GPR20: variants seen among roughly 807,000 people sequenced by gnomAD.
GPR20 encodes G protein-coupled receptor 20.
For missense variants in GPR20, 494 were observed against 527.4 expected, an observed-to-expected ratio of 0.94 and a Z score of 0.62; for synonymous variants, 241 against 241.9, an observed-to-expected ratio of 1.00 and a Z score of 0.04.
intron 1 of GPR20, among the ~76,000 whole-genome samples, chr8:141,360,901 T>G (rs1754905902): frequency 6.6e-6 from 1 of 152,200 alleles, no homozygotes; most frequent in South Asian, 2.1e-4. Flanking sequence ...TGCCTCGCCC[T>G]GGTAGCCTGG....
At position 141,357,276 on chromosome 8, in the gene GPR20, G is replaced by T; in HGVS notation, c.648C>A (p.Thr216=). ...LLPLLVISVF[T]GRIMCALSRP... Reference sequence around the variant, plus strand: ...GCGACAGTGCACACATGATGCGGCCGGTAAACACGCTGATGACCAGCAGGG... The same window carrying T: ...GCGACAGTGCACACATGATGCGGCCTGTAAACACGCTGATGACCAGCAGGG... The change falls in exon 2 of 2, where the codon ACC becomes ACA. Residue 216 remains threonine (T), a synonymous_variant. Transcript: ENST00000377741. 1 of 1,542,646 alleles carries T rather than the reference G, an allele frequency of 6.5e-7. No homozygotes were observed. Among genetic ancestry groups the T allele is most frequent in the Non-Finnish European group, 8.7e-7 (1 of 1,148,670 alleles).
Position 141,357,575 on chromosome 8 carries a change from T to TG in GPR20, c.348dup (p.Arg117GlnfsTer203). 6.2e-7 allele frequency: 1 copy of TG among 1,613,896 alleles called. No homozygotes were observed. Among genetic ancestry groups the TG allele is most frequent in the Non-Finnish European group, 8.5e-7 (1 of 1,179,992 alleles). On this transcript the variant is annotated frameshift_variant, in exon 2 of 2. Transcript: ENST00000377741. LOFTEE classifies it low-confidence loss of function (END_TRUNC). ...GGGAAGGCACAGCGCAGGCAGCCCCTGGCGCCGTAGTACACAGCGAAGCGC... is the reference window on the plus strand; with the variant it reads ...GGGAAGGCACAGCGCAGGCAGCCCCTGGGCGCCGTAGTACACAGCGAAGCGC...
chr8:141,360,421 C>T (rs958004489), intron 1 of GPR20, among the ~76,000 whole-genome samples: 1 of 152,246 alleles, frequency 6.6e-6, no homozygotes, highest in African/African-American at 2.4e-5. Flanking sequence ...ATCCCAGCCA[C>T]GACCTGGGCC....
Position 141,357,502 on chromosome 8 carries a change from A to G in GPR20, c.422T>C (p.Leu141Pro). 6.2e-7 allele frequency: 1 copy of G among 1,613,368 alleles called. No individual in the cohort carries two copies. Among genetic ancestry groups the G allele is most frequent in the Non-Finnish European group, 8.5e-7 (1 of 1,179,962 alleles). ...FLNMHCSILFLTCICVDRYLA... is the reference protein window; with the variant it reads ...FLNMHCSILFPTCICVDRYLA... The stretch of plus-strand genomic sequence containing the variant: ...GTAGCGGTCCACGCAGATGCAGGTG[A>G]GGAAGAGGATGGAGCAGTGCATGTT... The change falls in exon 2 of 2, where the codon CTC becomes CCC. Residue 141 changes from leucine to proline, a missense_variant. Leu to Pro is a moderately conservative substitution (Grantham distance 98, BLOSUM62 -3). Coordinates refer to ENST00000377741, the MANE Select transcript of GPR20 (RefSeq NM_005293.3).
chr8:141,357,870 G>A lies in GPR20; in HGVS notation c.54C>T (p.Thr18=), dbSNP rs200385633. ...GPSAGAVPNA[T]AVTTVRTNAS... is the part of the protein sequence containing the mutation. Reference sequence around the variant, plus strand: ...CATTGGTCCGCACTGTTGTCACTGCGGTGGCATTGGGGACTGCCCCGGCCG... The same window carrying A: ...CATTGGTCCGCACTGTTGTCACTGCAGTGGCATTGGGGACTGCCCCGGCCG... The change falls in exon 2 of 2, where the codon ACC becomes ACT. Residue 18 remains threonine (T), a synonymous_variant. Transcript: ENST00000377741. 9.0e-5 allele frequency: 145 copies of A among 1,607,330 alleles called. No individual in the cohort carries two copies. The Admixed American group carries it at 9.9e-4, about 11-fold the overall frequency.
At chr8:141,366,166 G>C (rs1330099540) in intron 1 of GPR20, among the ~76,000 whole-genome samples, 2 of 152,210 alleles carry the variant, frequency 1.3e-5, no homozygotes, top group Non-Finnish European at 2.9e-5. Flanking sequence ...CCCCACGCCC[G>C]GCTCTCCAGC....
rs764201797 is a variant in GPR20 at position 141,356,932 on chromosome 8, C to T, written c.992G>A (p.Ser331Asn). 1 of 1,612,732 alleles carries T rather than the reference C, an allele frequency of 6.2e-7. No homozygotes were observed. The highest frequency in any genetic ancestry group is 8.5e-7 in the Non-Finnish European group (1 of 1,179,838). ...SSGDVVSMHR[S>N]SKGSGRHHIL... is the part of the protein sequence containing the mutation. The stretch of plus-strand genomic sequence containing the variant: ...GTGATGACGGCCTGAGCCCTTGGAG[C>T]TCCTGTGCATGCTGACCACGTCACC... Residue 331 changes from serine (S) to asparagine (N), a missense_variant, in exon 2 of 2, where the codon AGC becomes AAC. Coordinates refer to ENST00000377741, the MANE Select transcript of GPR20 (RefSeq NM_005293.3).
intron 1 of GPR20, among the ~76,000 whole-genome samples, chr8:141,363,116 C>T (rs1401769045): frequency 3.3e-5 from 5 of 152,250 alleles, no homozygotes; most frequent in Admixed American, 6.5e-5. Context: ...CCGCCACCTT[C>T]GAGGCCTCGG....
At position 141,357,845 on chromosome 8, in the gene GPR20, C is replaced by T; in HGVS notation, c.79G>A (p.Ala27Thr). Residue 27 changes from alanine (A) to threonine (T), a missense_variant, in exon 2 of 2, where the codon GCC becomes ACC. Coordinates refer to ENST00000377741, the MANE Select transcript of GPR20 (RefSeq NM_005293.3). The part of the protein sequence containing the change: ...ATAVTTVRTN[A>T]SGLEVPLFHL... ...AACAGGGGCACCTCCAGCCCGCTGG[C>T]ATTGGTCCGCACTGTTGTCACTGCG... 1.2e-6 allele frequency: 2 copies of T among 1,612,838 alleles called. No individual in the cohort carries two copies. The highest frequency in any genetic ancestry group is 1.7e-6 in the Non-Finnish European group (2 of 1,179,750).
rs1432237394 is a variant in GPR20, at chr8:141,356,843, C to G, written c.*4G>C. ...ACCTTCGGCCCCTGGCAGAGCCCTG[C>G]TGACTAAGCCTCGGGCCCATTAGCC... On this transcript the variant is annotated 3_prime_UTR_variant, in exon 2 of 2. Transcript: ENST00000377741. 6.3e-7 allele frequency: 1 copy of G among 1,576,744 alleles called. No homozygotes were observed. The highest frequency in any genetic ancestry group is 1.3e-5 in the African/African-American group (1 of 74,164).
chr8:141,358,973 G>A (rs1219690219), intron 1 of GPR20, among the ~76,000 whole-genome samples: 5 of 152,168 alleles, frequency 3.3e-5, no homozygotes, highest in Admixed American at 6.5e-5. Flanking sequence ...CTGCCCTGGC[G>A]TGTTTAACTC....
intron 1 of GPR20, among the ~76,000 whole-genome samples, chr8:141,358,471 C>T (rs376323837): frequency 3.3e-4 from 51 of 152,300 alleles, no homozygotes; most frequent in African/African-American, 1.2e-3. Context: ...CGGGTCAGCA[C>T]GGCAGCGCCA....
intron 1 of GPR20, among the ~76,000 whole-genome samples, chr8:141,359,562 TC>T (rs1164335346): frequency 6.6e-6 from 1 of 151,792 alleles, no homozygotes; most frequent in African/African-American, 2.4e-5. Flanking sequence ...AGCTCCCAGC[TC>T]CCCCCGACTG....
chr8:141,358,083 C>T, intron 1 of GPR20, 136 bp from the exon 2 acceptor site: 1 of 592,060 alleles, frequency 1.7e-6, no homozygotes, highest in Non-Finnish European at 3.0e-6. Flanking sequence ...TGGCTGGGGC[C>T]TCAAATGCCT....
chr8:141,365,442 G>A (rs1403223628), intron 1 of GPR20, among the ~76,000 whole-genome samples: 1 of 152,234 alleles, frequency 6.6e-6, no homozygotes, highest in African/African-American at 2.4e-5. Context: ...GCCTTCTGCG[G>A]CACCCAGCCC....
intron 1 of GPR20, among the ~76,000 whole-genome samples, chr8:141,363,443 G>A (rs1319026997): frequency 1.3e-5 from 2 of 152,228 alleles, no homozygotes; most frequent in African/African-American, 4.8e-5. Context: ...AGCGAGCATC[G>A]AGCATGGAAG....
At chr8:141,364,184 T>G (rs1831780452) in intron 1 of GPR20, among the ~76,000 whole-genome samples, 2 of 151,996 alleles carry the variant, frequency 1.3e-5, no homozygotes, top group African/African-American at 4.8e-5. Flanking sequence ...GACCGGGAGT[T>G]TGTGCACAAG....
At chr8:141,366,369 C>T (rs981307795) in intron 1 of GPR20, among the ~76,000 whole-genome samples, 2 of 152,312 alleles carry the variant, frequency 1.3e-5, no homozygotes, top group South Asian at 2.1e-4. Context: ...CAGCCTCCTG[C>T]GGGGTGCATT....
intron 1 of GPR20, among the ~76,000 whole-genome samples, chr8:141,362,837 T>G (rs1831755775): frequency 6.6e-6 from 1 of 151,640 alleles, no homozygotes; most frequent in South Asian, 2.1e-4. Context: ...CACTGCAACC[T>G]CCACTTCCTG....
Sources: gnomAD v4.1 joint callset for allele counts (sites outside exome capture counted in the v4.1 genomes callset) on GRCh38, gnomAD v4.1.1 for gene constraint, MANE v1.5 for transcripts, NCBI Gene and HGNC (gene_info 2026-07-23, HGNC 2026-07-21) for gene names.